Variants in COL16A1 observed in about 807,000 individuals in gnomAD.
The protein encoded by COL16A1 is collagen alpha-1(XVI) chain.
COL16A1 carries 189 observed loss-of-function variants against 266.3 expected under a neutral mutation model. The ratio of observed to expected loss-of-function variants is 0.71; its 90% CI spans 0.63 to 0.80. The LOEUF is 0.80. COL16A1 is among the 30% of genes least tolerant of loss of function. COL16A1 has a pLI of 0.00. For synonymous variants in COL16A1, 740 were observed against 782.3 expected (o/e 0.95, Z 0.90); for missense variants, 1,928 against 2,122.4 (o/e 0.91, Z 1.80).
In COL16A1 at chr1:31,666,017, C is replaced by A. The variant is rs1570397034; in HGVS notation, c.3402+20G>T. On this transcript the variant is annotated intron_variant, in intron 53 of 70. Coordinates refer to ENST00000373672, the MANE Select transcript of COL16A1 (RefSeq NM_001856.4). ...AGGACAAGACCAGGACCACATCTCC[C>A]CATGCCCTCCTTCACTCACCGCTGG... 6.2e-7 allele frequency: 1 copy of A among 1,612,786 alleles called. No individual in the cohort carries two copies. Among genetic ancestry groups the A allele is most frequent in the East Asian group, 2.2e-5 (1 of 44,700 alleles).
chr1:31,692,296 C>T (rs776588195), intron 16 of COL16A1, among the ~76,000 whole-genome samples, 178 bp downstream of exon 16: 35 of 136,988 alleles, frequency 2.6e-4, no homozygotes, highest in Non-Finnish European at 1.7e-4. Flanking sequence ...CCCTCTAGGT[C>T]GGCTGGGTAT....
At chr1:31,689,385 G>A (rs1349721706) in intron 23 of COL16A1, 1 of 581,456 alleles carries the variant, frequency 1.7e-6, no homozygotes. Flanking sequence ...TGTGAGAGAG[G>A]GGGCTAACCC....
chr1:31,693,171 A>G lies in COL16A1; in HGVS notation c.1009-17T>C, dbSNP rs1439519512. 6.3e-7 allele frequency: 1 copy of G among 1,575,170 alleles called. No individual in the cohort carries two copies. Among genetic ancestry groups the G allele is most frequent in the Non-Finnish European group, 8.7e-7 (1 of 1,145,040 alleles). The stretch of plus-strand genomic sequence containing the variant: ...TTTCCCTCCCTGAGAGTGAAACCAG[A>G]ATGGAAGATAGGACCAGAGGGGGCA... On this transcript the variant is annotated splice_polypyrimidine_tract_variant and intron_variant, in intron 12 of 70. Coordinates refer to ENST00000373672, the MANE Select transcript of COL16A1 (RefSeq NM_001856.4).
intron 42 of COL16A1, 141 bp from the exon 43 acceptor site, chr1:31,675,452 A>T: frequency 7.7e-7 from 1 of 1,293,860 alleles, no homozygotes. Context: ...GCTGACATCT[A>T]TTCTTAGCTC....
At chr1:31,662,537 CAT>C (rs377614296) in intron 57 of COL16A1, 48 bp downstream of exon 57, 325 of 1,548,768 alleles carry the variant, frequency 2.1e-4, no homozygotes, top group South Asian at 2.6e-4. Context: ...GCACCACACA[CAT>C]GCGCATGCAT....
At position 31,661,243 on chromosome 1, in the gene COL16A1, C is replaced by A. The variant is rs1183938811; in HGVS notation, c.3772-124G>T. ...CTTTGGCCAGAGGCCCTCTGATGCC[C>A]TCCAGCTGGTAGACAGAGAAGCCCT... On this transcript the variant is annotated intron_variant, in intron 60 of 70. Coordinates refer to ENST00000373672, the MANE Select transcript of COL16A1 (RefSeq NM_001856.4). 10 of 1,474,864 alleles carry A rather than the reference C, an allele frequency of 6.8e-6. No homozygotes were observed. In the East Asian group the frequency reaches 2.1e-4, roughly 31 times the overall value. 91.4% of individuals were successfully genotyped at this position (1,474,864 alleles called of 1,614,324 possible). A position where few individuals can be genotyped will look rare whatever the true frequency, so the allele number is the denominator to read the frequency against.
In COL16A1 at chr1:31,685,775, C is replaced by T. The variant is rs1643941867; in HGVS notation, c.1885-5G>A. On this transcript the variant is annotated splice_region_variant and splice_polypyrimidine_tract_variant and intron_variant, in intron 28 of 70. Transcript: ENST00000373672. The surrounding 1 kb of genome is among the most constrained non-coding windows in gnomAD (Gnocchi z 4.0). Reference sequence around the variant, plus strand: ...GCACGGCTCACAGGGCTCCCCCTGCCAAGCAAGGACATTGAGTTAGGGGGT... The same window carrying T: ...GCACGGCTCACAGGGCTCCCCCTGCTAAGCAAGGACATTGAGTTAGGGGGT... The T allele has an allele frequency of 6.2e-7, 1 of 1,613,666 alleles. No individual in the cohort carries two copies. Among genetic ancestry groups the T allele is most frequent in the African/African-American group, 1.3e-5 (1 of 75,054 alleles).
In COL16A1 at chr1:31,670,324, C is replaced by A. The variant is rs1642542702; in HGVS notation, c.3195+278G>T. The A allele has an allele frequency of 2.6e-6, 1 of 386,704 alleles. No individual in the cohort carries two copies. Among genetic ancestry groups the A allele is most frequent in the Admixed American group, 4.6e-5 (1 of 21,948 alleles). 24.0% of individuals were successfully genotyped at this position (386,704 alleles called of 1,614,324 possible). ...CTTGGGGGAGTGCTGCAAGATGGTG[C>A]GAGAAATGGAGAAGGAAGACAGAAC... is the stretch of plus-strand genomic sequence containing the variant. On this transcript the variant is annotated intron_variant, in intron 49 of 70. Coordinates refer to ENST00000373672, the MANE Select transcript of COL16A1 (RefSeq NM_001856.4). This position sits in a 1 kb window ranked among gnomAD's most constrained non-coding sequence, Gnocchi z 4.5.
chr1:31,679,955 T>G (rs1570479450), intron 40 of COL16A1, 87 bp downstream of exon 40: 1 of 1,579,712 alleles, frequency 6.3e-7, no homozygotes, highest in Non-Finnish European at 8.6e-7. Context: ...TGCGTGGCCC[T>G]GCGGGGCCTT....
Position 31,697,447 on chromosome 1 carries a change from G to A in COL16A1, c.658-147C>T. The A allele has an allele frequency of 2.6e-6, 2 of 781,074 alleles. No homozygotes were observed. Among genetic ancestry groups the A allele is most frequent in the Non-Finnish European group, 4.0e-6 (2 of 498,382 alleles). 48.4% of individuals were successfully genotyped at this position (781,074 alleles called of 1,614,324 possible). ...CCTGGGAGACATCAAAAATAGAGTT[G>A]TCACCAAAGGCAGAACAAAACTGCG... is the stretch of plus-strand genomic sequence containing the variant. On this transcript the variant is annotated intron_variant, in intron 6 of 70. Coordinates refer to ENST00000373672, the MANE Select transcript of COL16A1 (RefSeq NM_001856.4). The surrounding 1 kb of genome is among the most constrained non-coding windows in gnomAD (Gnocchi z 4.2).
chr1:31,655,603 C>G, intron 66 of COL16A1, 101 bp from the exon 67 acceptor site: 1 of 1,544,486 alleles, frequency 6.5e-7, no homozygotes, highest in Non-Finnish European at 8.7e-7. Context: ...GCGTCTCCCT[C>G]TAGACTGTGG....
intron 42 of COL16A1, among the ~76,000 whole-genome samples, chr1:31,675,823 G>T (rs962469675): frequency 1.3e-5 from 2 of 152,026 alleles, no homozygotes; most frequent in Non-Finnish European, 2.9e-5. Context: ...ACCATGCCTG[G>T]CTAATTCTTT....
intron 1 of COL16A1, among the ~76,000 whole-genome samples, chr1:31,702,549 T>G (rs1212837041): frequency 6.6e-6 from 1 of 152,170 alleles, no homozygotes; most frequent in East Asian, 1.9e-4. Context: ...GGGAGAGGTC[T>G]AGAAGGTCTT....
rs1300942080 is a variant in COL16A1 at position 31,696,071 on chromosome 1, C to T, written c.918+17G>A. On this transcript the variant is annotated intron_variant, in intron 9 of 70. Coordinates refer to ENST00000373672, the MANE Select transcript of COL16A1 (RefSeq NM_001856.4). ...GACTGAGGGCAGGTAGGCTCCTCCC[C>T]CCACCCCCACCTCTACCTTTGCTCC... 6 of 1,601,582 alleles carry T rather than the reference C, an allele frequency of 3.7e-6. No homozygotes were observed. The highest frequency in any genetic ancestry group is 3.3e-5 in the Admixed American group (2 of 59,892).
At chr1:31,683,638 T>C in intron 34 of COL16A1, 69 bp downstream of exon 34, 1 of 1,611,512 alleles carries the variant, frequency 6.2e-7, no homozygotes, top group African/African-American at 1.3e-5. Flanking sequence ...AGTTTGGGAG[T>C]GGATGGAAGT....
chr1:31,672,770 C>T lies in COL16A1; in HGVS notation c.2930G>A (p.Gly977Glu). Residue 977 changes from glycine to glutamate, a missense_variant, in exon 45 of 71, where the codon GGA becomes GAA. Around this residue, in one of 2 missense-constraint regions of COL16A1, gnomAD observed 1,552 missense variants for 1,637.2 expected, o/e 0.95. Coordinates refer to ENST00000373672, the MANE Select transcript of COL16A1 (RefSeq NM_001856.4). ...TGGCACACCAGGGATGCCCTGGTCTCCCTTCTCTCCCTTCTCCACGAGGTA... is the reference window on the plus strand; with the variant it reads ...TGGCACACCAGGGATGCCCTGGTCTTCCTTCTCTCCCTTCTCCACGAGGTA... ...PGYLVEKGEK[G>E]DQGIPGVPGL... 6.2e-7 allele frequency: 1 copy of T among 1,614,176 alleles called. No individual in the cohort carries two copies.
chr1:31,685,207 C>A lies in COL16A1; in HGVS notation c.2017-351G>T, dbSNP rs768333753. Among the ~76,000 whole-genome samples the A allele has an allele frequency of 6.6e-6, 1 of 152,156 alleles. No individual in the cohort carries two copies. Among genetic ancestry groups the A allele is most frequent in the Non-Finnish European group, 1.5e-5 (1 of 68,028 alleles). On this transcript the variant is annotated intron_variant, in intron 29 of 70. Coordinates refer to ENST00000373672, the MANE Select transcript of COL16A1 (RefSeq NM_001856.4). The surrounding 1 kb of genome is among the most constrained non-coding windows in gnomAD (Gnocchi z 4.0). ...ATAGTGTCCACTGTGGTAGTGCTGG[C>A]CGTTACTGTGAAAGCAGTAACAGTG... is the stretch of plus-strand genomic sequence containing the variant.
chr1:31,683,209 T>C lies in COL16A1; in HGVS notation c.2454A>G (p.Gly818=), dbSNP rs1643771659. ...AGAGGCTCACCTGGGCACCCTTCTC[T>C]CCAGTGGGGCCAGGTGGTCCCCGAG... is the stretch of plus-strand genomic sequence containing the variant. The part of the protein sequence containing the change: ...PGPRGPPGPT[G]EKGAQGSPGV... Residue 818 remains glycine (G), a synonymous_variant, in exon 36 of 71, where the codon GGA becomes GGG. Coordinates refer to ENST00000373672, the MANE Select transcript of COL16A1 (RefSeq NM_001856.4). 6.2e-7 allele frequency: 1 copy of C among 1,613,948 alleles called. No homozygotes were observed. Among genetic ancestry groups the C allele is most frequent in the African/African-American group, 1.3e-5 (1 of 74,890 alleles).
chr1:31,680,841 A>G (rs1643579647), intron 39 of COL16A1, 64 bp downstream of exon 39: 1 of 1,612,346 alleles, frequency 6.2e-7, no homozygotes, highest in Non-Finnish European at 8.5e-7. Context: ...TACGGGTCAC[A>G]GGTGGGAAGG....
Sources: gnomAD v4.1 joint callset for allele counts (sites outside exome capture counted in the v4.1 genomes callset) on GRCh38, gnomAD v4.1.1 for gene constraint, gnomAD v4.1.1 regional missense constraint, Gnocchi (gnomAD v3.1) non-coding constraint, MANE v1.5 for transcripts, NCBI Gene and HGNC (gene_info 2026-07-23, HGNC 2026-07-21) for gene names.